GRIN1: variants seen among roughly 807,000 people sequenced by gnomAD.
GRIN1 encodes glutamate ionotropic receptor NMDA type subunit 1.
In GRIN1, 38 loss-of-function variants were observed where a neutral mutation model predicts 103.0. The ratio of observed to expected loss-of-function variants is 0.37; its 90% CI spans 0.28 to 0.48. The LOEUF (loss-of-function observed/expected upper bound fraction) is 0.48. GRIN1 is among the 20% of genes least tolerant of loss of function. The pLI is 0.98. For missense variants in GRIN1, 577 were observed against 1,288.9 expected (o/e 0.45, Z 8.46); for synonymous variants, 544 against 532.7 (o/e 1.02, Z -0.29).
At chr9:137,140,856 C>T (rs1832128879) in intron 1 of GRIN1, among the ~76,000 whole-genome samples, 1 of 152,220 alleles carries the variant, frequency 6.6e-6, no homozygotes, top group South Asian at 2.1e-4. Context: ...CAAACAGCTG[C>T]AGCTGCAGGG....
Position 137,168,642 on chromosome 9 carries a change from C to T in GRIN1, c.*1115C>T. The T allele has an allele frequency of 5.6e-6, 2 of 355,076 alleles. No homozygotes were observed. The highest frequency in any genetic ancestry group is 9.8e-6 in the Non-Finnish European group (2 of 203,680). The allele number at this position is 355,076 out of a possible 1,614,324, so 22.0% of individuals were successfully genotyped here. A position where few individuals can be genotyped will look rare whatever the true frequency, so the allele number is the denominator to read the frequency against. ...CCAGGGCCCGAGCGCGTGCCTTCCC[C>T]GTGCGGCCCGTGCGCAGCCGCGCTC... is the stretch of plus-strand genomic sequence containing the variant. On this transcript the variant is annotated 3_prime_UTR_variant, in exon 20 of 20. Transcript: ENST00000371561.
intron 2 of GRIN1, among the ~76,000 whole-genome samples, chr9:137,142,971 T>C (rs903695958): frequency 2.0e-5 from 3 of 152,168 alleles, no homozygotes; most frequent in African/African-American, 7.2e-5. Context: ...TGCAGGAATC[T>C]CCAAGCCAGA....
At chr9:137,145,579 GTCTAGAACGTGTCCCCAT>G in intron 2 of GRIN1, 129 bp from the exon 3 acceptor site, 2 of 370,250 alleles carry the variant, frequency 5.4e-6, no homozygotes, top group Non-Finnish European at 4.9e-6. Flanking sequence ...GGGTCCCAGG[GTCTAGAACGTGTCCCCAT>G]GGGGGTGGGG....
At chr9:137,142,629 C>T (rs1194089232) in intron 2 of GRIN1, among the ~76,000 whole-genome samples, 4 of 152,314 alleles carry the variant, frequency 2.6e-5, no homozygotes, top group African/African-American at 7.2e-5. Context: ...CGAGAGGGCC[C>T]GTGGGCTAGG....
intron 3 of GRIN1, among the ~76,000 whole-genome samples, chr9:137,147,139 A>G (rs1348603274): frequency 1.3e-5 from 2 of 148,372 alleles, no homozygotes; most frequent in Non-Finnish European, 3.0e-5. Context: ...TCACACACTC[A>G]CCCCTGCGCA....
intron 16 of GRIN1, 113 bp downstream of exon 16, chr9:137,163,443 G>GCTGCCCACTCCACGCCGCACC: frequency 6.9e-7 from 1 of 1,445,526 alleles, no homozygotes; most frequent in East Asian, 2.3e-5. Context: ...CAGGCCGGGC[G>GCTGCCCACTCCACGCCGCACC]CTGCCCACTC....
chr9:137,142,774 G>T (rs1832247082), intron 2 of GRIN1, among the ~76,000 whole-genome samples: 1 of 152,224 alleles, frequency 6.6e-6, no homozygotes, highest in Non-Finnish European at 1.5e-5. Context: ...TGCAGGCATG[G>T]GTGGAGAGCA....
intron 4 of GRIN1, among the ~76,000 whole-genome samples, chr9:137,150,614 C>CT (rs1832799484): frequency 6.9e-6 from 1 of 145,134 alleles, no homozygotes; most frequent in African/African-American, 2.6e-5. Context: ...CAGATAAAAG[C>CT]CCGCCCAGGG....
intron 2 of GRIN1, among the ~76,000 whole-genome samples, 174 bp downstream of exon 2, chr9:137,142,321 T>C (rs938190528): frequency 1.3e-5 from 2 of 152,222 alleles, no homozygotes; most frequent in Non-Finnish European, 2.9e-5. Flanking sequence ...CTCACACATC[T>C]GCAAACATGC....
At position 137,162,712 on chromosome 9, in the gene GRIN1, G is replaced by C; in HGVS notation, c.1986G>C (p.Glu662Asp). ...AAFLVLDRPE[E>D]RITGINDPRL... The stretch of plus-strand genomic sequence containing the variant: ...TCCTGGTGCTGGACCGGCCGGAGGA[G>C]CGCATCACGGGCATCAACGACCCTC... Residue 662 changes from glutamate to aspartate, a missense_variant, in exon 14 of 20, where the codon GAG becomes GAC. Physicochemically the swap from Glu to Asp is conservative, Grantham distance 45 (BLOSUM62 2). This residue lies in a region of GRIN1 where 59 missense variants were observed against 161.3 expected (regional missense o/e 0.37). Transcript: ENST00000371561. The C allele has an allele frequency of 6.2e-7, 1 of 1,606,906 alleles. No homozygotes were observed. The highest frequency in any genetic ancestry group is 8.5e-7 in the Non-Finnish European group (1 of 1,177,388).
intron 4 of GRIN1, 73 bp from the exon 5 acceptor site, chr9:137,156,596 G>C: frequency 6.4e-7 from 1 of 1,555,498 alleles, no homozygotes; most frequent in Non-Finnish European, 8.7e-7. Context: ...TCCAGAGGAG[G>C]AGGACCTGGG....
At chr9:137,157,279 C>G (rs1048324403) in intron 6 of GRIN1, among the ~76,000 whole-genome samples, 10 of 152,174 alleles carry the variant, frequency 6.6e-5, no homozygotes, top group Non-Finnish European at 1.3e-4. Context: ...GGCGGCGTCG[C>G]TCTCAGGGGT....
At chr9:137,148,477 C>T (rs1331673182) in intron 3 of GRIN1, among the ~76,000 whole-genome samples, 2 of 152,168 alleles carry the variant, frequency 1.3e-5, no homozygotes, top group Non-Finnish European at 2.9e-5. Flanking sequence ...GAAGTGCATG[C>T]GAATCTCCGA....
chr9:137,147,511 C>A (rs1832616398), intron 3 of GRIN1, among the ~76,000 whole-genome samples: 1 of 152,218 alleles, frequency 6.6e-6, no homozygotes, highest in South Asian at 2.1e-4. Context: ...CACACATGCA[C>A]ACACACAAGC....
At chr9:137,165,389 C>CGGGG in intron 19 of GRIN1, 93 bp downstream of exon 19, 1 of 825,438 alleles carries the variant, frequency 1.2e-6, no homozygotes, top group Non-Finnish European at 2.1e-6. Context: ...GGACCCTGGG[C>CGGGG]TCCTGTGGCC....
intron 4 of GRIN1, among the ~76,000 whole-genome samples, chr9:137,150,928 C>A (rs1313143727): frequency 1.4e-5 from 2 of 148,108 alleles, no homozygotes; most frequent in Non-Finnish European, 3.0e-5. Flanking sequence ...GAAAGCCTCG[C>A]CCAGGGAAAG....
rs2131315813 is a variant in GRIN1, at chr9:137,167,686, C to T, written c.*159C>T. 3 of 1,570,624 alleles carry T rather than the reference C, an allele frequency of 1.9e-6. No individual in the cohort carries two copies. The highest frequency in any genetic ancestry group is 1.7e-4 in the Middle Eastern group (1 of 5,964). ...TGCGCCTGCCCGCCCGCCGGTTGGC[C>T]GGCTGGCCGGTCCACCCCGTCCCGG... On this transcript the variant is annotated 3_prime_UTR_variant, in exon 20 of 20. Coordinates refer to ENST00000371561, the MANE Select transcript of GRIN1 (RefSeq NM_007327.4).
chr9:137,162,886 A>G lies in GRIN1; in HGVS notation c.2054A>G (p.Lys685Arg), dbSNP rs1292632620. The G allele has an allele frequency of 2.5e-6, 4 of 1,612,000 alleles. No individual in the cohort carries two copies. The highest frequency in any genetic ancestry group is 3.4e-6 in the Non-Finnish European group (4 of 1,179,604). The change falls in exon 15 of 20, where the codon AAG becomes AGG. Residue 685 changes from lysine (K) to arginine (R), a missense_variant. Physicochemically the swap from Lys to Arg is conservative, Grantham distance 26 (BLOSUM62 2). Coordinates refer to ENST00000371561, the MANE Select transcript of GRIN1 (RefSeq NM_007327.4). ...GACAAGTTTATCTACGCCACGGTGA[A>G]GCAGAGCTCCGTGGATATCTACTTC... The part of the protein sequence containing the change: ...PSDKFIYATV[K>R]QSSVDIYFRR...
At chr9:137,158,330 C>CAGGAGA in intron 6 of GRIN1, 49 bp from the exon 7 acceptor site, 1 of 1,598,064 alleles carries the variant, frequency 6.3e-7, no homozygotes, top group Non-Finnish European at 8.6e-7. Context: ...CAGGGAGGAG[C>CAGGAGA]AGGAGAAGGA....
Sources: allele counts gnomAD v4.1 joint callset (sites outside exome capture counted in the v4.1 genomes callset), GRCh38; gene constraint gnomAD v4.1.1; regional missense constraint gnomAD v4.1.1; transcripts MANE v1.5; gene names NCBI Gene and HGNC (gene_info 2026-07-23, HGNC 2026-07-21).